TFAP4: variants seen among roughly 807,000 people sequenced by gnomAD.
TFAP4 encodes the protein transcription factor AP-4.
TFAP4 carries 7 observed loss-of-function variants against 40.4 expected under a neutral mutation model. The ratio of observed to expected loss-of-function variants is 0.17; its 90% CI spans 0.10 to 0.33. The LOEUF (loss-of-function observed/expected upper bound fraction) is 0.33, where lower values mean the gene tolerates loss of function less well. Ranked by LOEUF, TFAP4 falls within the 10% of genes least tolerant of loss-of-function variation. The pLI is 1.00. For missense variants in TFAP4, 374 were observed against 451.1 expected (o/e 0.83, Z 1.55); for synonymous variants, 218 against 181.4 (o/e 1.20, Z -1.62).
chr16:4,260,011 C>A (rs1359391952), intron 6 of TFAP4, 79 bp downstream of exon 6: 10 of 1,475,890 alleles, frequency 6.8e-6, no homozygotes, highest in Non-Finnish European at 8.2e-6. Context: ...CGCTTCTGCC[C>A]CTCTTTTCCA....
rs2052902317 is a variant in TFAP4, at chr16:4,257,338, AAAG to A, written c.*714_*716del. On this transcript the variant is annotated 3_prime_UTR_variant, in exon 7 of 7. Transcript: ENST00000204517. ...AAAAAAAAAAAAAAAGAAAGAAAAA[AAAG>A]AAAAACAAAACAAAAACAGAAAGCA... The A allele has an allele frequency of 6.6e-6, 1 of 151,854 alleles. No individual in the cohort carries two copies. The highest frequency in any genetic ancestry group is 2.1e-4 in the South Asian group (1 of 4,832). 9.4% of individuals were successfully genotyped at this position (151,854 alleles called of 1,614,324 possible).
At chr16:4,262,156 C>G in intron 3 of TFAP4, 168 bp downstream of exon 3, 1 of 910,864 alleles carries the variant, frequency 1.1e-6, no homozygotes, top group Non-Finnish European at 1.7e-6. Flanking sequence ...GCCCACTCCA[C>G]CGCACTTGAC....
chr16:4,260,240 C>A lies in TFAP4; in HGVS notation c.672G>T (p.Leu224=). The change falls in exon 6 of 7, where the codon CTG becomes CTT. Residue 224 remains leucine (L), a synonymous_variant. Coordinates refer to ENST00000204517, the MANE Select transcript of TFAP4 (RefSeq NM_003223.3). ...GGTGGTGGGTGGGGGCCGGAGGGGG[C>A]AGAAGCTGCAAGACAGAGGCCCTCA... is the stretch of plus-strand genomic sequence containing the variant. ...REQQQLRTQL[L]PPPAPTHHPT... The A allele has an allele frequency of 1.9e-6, 3 of 1,561,372 alleles. No homozygotes were observed. The highest frequency in any genetic ancestry group is 1.4e-5 in the African/African-American group (1 of 72,720).
intron 1 of TFAP4, among the ~76,000 whole-genome samples, chr16:4,271,454 C>G (rs915650473): frequency 6.6e-6 from 1 of 152,212 alleles, no homozygotes; most frequent in African/African-American, 2.4e-5. Context: ...CCCACCTCCC[C>G]CACACCACGC....
At chr16:4,258,558 T>C (rs935499745) in intron 6 of TFAP4, 5 of 244,568 alleles carry the variant, frequency 2.0e-5, no homozygotes, top group Non-Finnish European at 7.8e-6. Context: ...ACCACAGGGG[T>C]GCGCCACCAT....
intron 1 of TFAP4, among the ~76,000 whole-genome samples, chr16:4,269,425 C>G (rs980669208): frequency 1.0e-4 from 14 of 140,068 alleles, no homozygotes; most frequent in African/African-American, 3.8e-4. Context: ...CCCGGGAGGC[C>G]GAGCTTGCAG....
intron 1 of TFAP4, among the ~76,000 whole-genome samples, chr16:4,269,054 AT>A (rs1326589807): frequency 6.8e-6 from 1 of 147,398 alleles, no homozygotes; most frequent in African/African-American, 2.5e-5. Context: ...TGCCGGGCTA[AT>A]TTTTTTATTT....
chr16:4,272,285 G>GAGGAAGGAAGGAGAGGA (rs1443562604), intron 1 of TFAP4, among the ~76,000 whole-genome samples: 3 of 151,992 alleles, frequency 2.0e-5, no homozygotes, highest in Non-Finnish European at 4.4e-5. Context: ...CTCAGATCCC[G>GAGGAAGGAAGGAGAGGA]AGGAAGGAAG....
At chr16:4,263,994 G>A (rs2052970606) in intron 1 of TFAP4, 1 of 152,582 alleles carries the variant, frequency 6.6e-6, no homozygotes, top group Non-Finnish European at 1.5e-5. Context: ...GCTCTCAGCA[G>A]AGGCTGCCGG....
intron 4 of TFAP4, 38 bp from the exon 5 acceptor site, chr16:4,260,633 G>T (rs1178250122): frequency 1.9e-6 from 3 of 1,552,840 alleles, no homozygotes; most frequent in South Asian, 1.2e-5. Flanking sequence ...GCCAAGGCCG[G>T]GAGCACACCC....
At chr16:4,269,126 G>C (rs1443143877) in intron 1 of TFAP4, among the ~76,000 whole-genome samples, 9 of 151,302 alleles carry the variant, frequency 5.9e-5, no homozygotes, top group Admixed American at 5.3e-4. Context: ...GGGCTCAAAT[G>C]ATTTTTTCCC....
At chr16:4,270,145 C>A (rs1375946839) in intron 1 of TFAP4, among the ~76,000 whole-genome samples, 3 of 152,104 alleles carry the variant, frequency 2.0e-5, no homozygotes, top group Admixed American at 6.6e-5. Context: ...AGATTGCACT[C>A]CATTCTGGGT....
intron 1 of TFAP4, among the ~76,000 whole-genome samples, chr16:4,268,753 C>A (rs993459867): frequency 1.3e-5 from 2 of 151,686 alleles, no homozygotes; most frequent in Non-Finnish European, 2.9e-5. Flanking sequence ...CATTCACACC[C>A]GGCTAGTTTT....
rs2052909298 is a variant in TFAP4 at position 4,257,862 on chromosome 16, C to CCCCAGCCCCGGGACCT, written c.*177_*192dup. The CCCCAGCCCCGGGACCT allele has an allele frequency of 9.7e-6, 6 of 616,872 alleles. No homozygotes were observed. The highest frequency in any genetic ancestry group is 1.6e-5 in the Non-Finnish European group (6 of 364,514). The allele number at this position is 616,872 out of a possible 1,614,324, so 38.2% of individuals were successfully genotyped here. A position where few individuals can be genotyped will look rare whatever the true frequency, so the allele number is the denominator to read the frequency against. On this transcript the variant is annotated 3_prime_UTR_variant, in exon 7 of 7. Transcript: ENST00000204517. ...CGATGCTCCCACACGCTCTGCGACA[C>CCCCAGCCCCGGGACCT]CCCAGCCCCGGGACCTCGGGTTGAG... is the stretch of plus-strand genomic sequence containing the variant.
In TFAP4 at chr16:4,260,240, C is replaced by T; in HGVS notation, c.672G>A (p.Leu224=). The change falls in exon 6 of 7, where the codon CTG becomes CTA. Residue 224 remains leucine (L), a synonymous_variant. Transcript: ENST00000204517. ...REQQQLRTQL[L]PPPAPTHHPT... Reference sequence around the variant, plus strand: ...GGTGGTGGGTGGGGGCCGGAGGGGGCAGAAGCTGCAAGACAGAGGCCCTCA... The same window carrying T: ...GGTGGTGGGTGGGGGCCGGAGGGGGTAGAAGCTGCAAGACAGAGGCCCTCA... The T allele has an allele frequency of 6.4e-7, 1 of 1,561,372 alleles. No homozygotes were observed. The highest frequency in any genetic ancestry group is 8.6e-7 in the Non-Finnish European group (1 of 1,156,348).
At chr16:4,260,024 C>A in intron 6 of TFAP4, 66 bp downstream of exon 6, 1 of 1,498,662 alleles carries the variant, frequency 6.7e-7, no homozygotes, top group Non-Finnish European at 9.0e-7. Flanking sequence ...CTTTTCCAGT[C>A]TCCCCTAAAG....
At chr16:4,262,897 A>T (rs938863925) in intron 1 of TFAP4, 196 bp from the exon 2 acceptor site, 2 of 612,290 alleles carry the variant, frequency 3.3e-6, no homozygotes, top group African/African-American at 1.9e-5. Flanking sequence ...TCCGCTCAGA[A>T]CCCACCCCGG....
intron 1 of TFAP4, among the ~76,000 whole-genome samples, chr16:4,269,971 A>C (rs2053028656): frequency 1.3e-5 from 2 of 152,202 alleles, no homozygotes; most frequent in South Asian, 4.1e-4. Context: ...ACCTGAGGTC[A>C]GGGGTTCGAG....
At chr16:4,269,182 C>G (rs1023257184) in intron 1 of TFAP4, among the ~76,000 whole-genome samples, 7 of 151,570 alleles carry the variant, frequency 4.6e-5, no homozygotes, top group African/African-American at 1.7e-4. Flanking sequence ...GCCACCGAGC[C>G]AGGCCTAGGA....
Sources: allele counts gnomAD v4.1 joint callset (sites outside exome capture counted in the v4.1 genomes callset), GRCh38; gene constraint gnomAD v4.1.1; transcripts MANE v1.5; gene names NCBI Gene and HGNC (gene_info 2026-07-23, HGNC 2026-07-21).